Variants in LOC122539214 observed in about 807,000 individuals in gnomAD.
the LOC122539214 span, chr19:52,651,208 G>C: frequency 6.6e-6 from 1 of 152,200 alleles, no homozygotes; most frequent in Non-Finnish European, 1.5e-5. Context: ...AATTCCATAT[G>C]ACCATCAGTG....
chr19:52,659,843 A>G, the LOC122539214 span, among the ~76,000 whole-genome samples: 1 of 152,158 alleles, frequency 6.6e-6, no homozygotes, highest in Non-Finnish European at 1.5e-5. Context: ...AATCCTAACA[A>G]CAGCCAAAAG....
the LOC122539214 span, chr19:52,652,910 T>C: frequency 8.8e-7 from 1 of 1,134,750 alleles, no homozygotes. Context: ...TTCTCTCCAC[T>C]ATGAAGTCTA....
At chr19:52,680,606 A>ATTTTTTT in the LOC122539214 span, among the ~76,000 whole-genome samples, 42 of 88,944 alleles carry the variant, frequency 4.7e-4, no homozygotes, top group African/African-American at 1.6e-3. Flanking sequence ...TCCACAAAAT[A>ATTTTTTT]TTTTTTTTTT....
chr19:52,655,003 T>C, the LOC122539214 span: 2 of 152,670 alleles, frequency 1.3e-5, no homozygotes, highest in Admixed American at 1.3e-4. Context: ...CTGGCCAACA[T>C]GGTGATTCCC....
chr19:52,677,559 CTTAAA>C, the LOC122539214 span, among the ~76,000 whole-genome samples: 1 of 151,804 alleles, frequency 6.6e-6, no homozygotes, highest in Admixed American at 6.6e-5. Flanking sequence ...TTTTACGTCT[CTTAAA>C]TTAAATGGCC....
At chr19:52,686,085 A>C in the LOC122539214 span, among the ~76,000 whole-genome samples, 1 of 152,084 alleles carries the variant, frequency 6.6e-6, no homozygotes, top group Non-Finnish European at 1.5e-5. Context: ...AAAATAGACT[A>C]ACTGGTTAAA....
At chr19:52,654,521 G>T in the LOC122539214 span, 1 of 463,298 alleles carries the variant, frequency 2.2e-6, no homozygotes. Context: ...TCCCAAATAT[G>T]ATCTTCAAAG....
At chr19:52,655,560 C>A in the LOC122539214 span, 22 of 1,494,656 alleles carry the variant, frequency 1.5e-5, no homozygotes, top group Admixed American at 3.5e-4. Flanking sequence ...ATTTTCCTCA[C>A]CCACAGACTC....
chr19:52,680,543 C>T, the LOC122539214 span, among the ~76,000 whole-genome samples: 1 of 151,344 alleles, frequency 6.6e-6, no homozygotes, highest in Non-Finnish European at 1.5e-5. Context: ...GACAAACCCA[C>T]GTTAAGGTAT....
chr19:52,680,769 C>A, the LOC122539214 span, among the ~76,000 whole-genome samples: 1 of 145,504 alleles, frequency 6.9e-6, no homozygotes, highest in Admixed American at 6.7e-5. Context: ...CCCGCCACTA[C>A]GCCCGGCTAA....
chr19:52,658,258 A>G, the LOC122539214 span, among the ~76,000 whole-genome samples: 1 of 152,258 alleles, frequency 6.6e-6, no homozygotes, highest in African/African-American at 2.4e-5. Flanking sequence ...ACATTATGAA[A>G]GTCCCAGGCC....
the LOC122539214 span, among the ~76,000 whole-genome samples, chr19:52,658,392 T>G: frequency 1.4e-4 from 22 of 151,938 alleles, no homozygotes. Flanking sequence ...ATGGTGAAAT[T>G]TCATCTCTAC....
chr19:52,674,701 T>A, the LOC122539214 span, among the ~76,000 whole-genome samples: 2 of 152,156 alleles, frequency 1.3e-5, no homozygotes, highest in East Asian at 3.8e-4. Context: ...TACTTAGGAA[T>A]AAACGTAAAA....
At chr19:52,676,662 A>C in the LOC122539214 span, among the ~76,000 whole-genome samples, 1 of 141,684 alleles carries the variant, frequency 7.1e-6, no homozygotes. Context: ...CAGGATGACA[A>C]TGGCGGCTTT....
the LOC122539214 span, chr19:52,653,057 A>T: frequency 2.7e-6 from 4 of 1,487,862 alleles, no homozygotes; most frequent in Middle Eastern, 3.5e-4. Flanking sequence ...CATTCATTAC[A>T]CTTGTAAGGT....
At chr19:52,685,897 CAAAAAAAAAAAAAAAAA>C in the LOC122539214 span, among the ~76,000 whole-genome samples, 16 of 132,442 alleles carry the variant, frequency 1.2e-4, 1 homozygote, top group Admixed American at 1.3e-3. Context: ...GTAACTGTCA[CAAAAAAAAAAAAAAAAA>C]AAAAAAAAAA....
chr19:52,652,338 G>C, the LOC122539214 span: 7 of 284,944 alleles, frequency 2.5e-5, no homozygotes, highest in Non-Finnish European at 4.7e-5. Flanking sequence ...CAGGAGGCTA[G>C]GAAGGAGAAT....
At chr19:52,678,623 C>T in the LOC122539214 span, among the ~76,000 whole-genome samples, 1 of 151,940 alleles carries the variant, frequency 6.6e-6, no homozygotes, top group Non-Finnish European at 1.5e-5. Context: ...GACAGACTAG[C>T]AAATGCCAGG....
At chr19:52,652,458 C>A in the LOC122539214 span, 1 of 404,324 alleles carries the variant, frequency 2.5e-6, no homozygotes, top group Non-Finnish European at 4.9e-6. Flanking sequence ...AAATGACTGC[C>A]ACAATTATCA....
Sources: allele counts gnomAD v4.1 joint callset (sites outside exome capture counted in the v4.1 genomes callset), GRCh38; gene constraint gnomAD v4.1.1; transcripts MANE v1.5.